The following ESYT2 variants were observed in gnomAD, a reference collection of about 807,000 sequenced individuals.
The protein encoded by ESYT2 is extended synaptotagmin-2.
A neutral mutation model predicts 107.2 loss-of-function variants in ESYT2; 54 were observed. The ratio of observed to expected loss-of-function variants is 0.50; its 90% confidence interval spans 0.40 to 0.63. The LOEUF (loss-of-function observed/expected upper bound fraction) is 0.63, where lower values mean the gene tolerates loss of function less well. ESYT2 is among the 30% of genes least tolerant of loss of function. The probability of loss-of-function intolerance (pLI) is 0.00; values close to 1 mark genes in which losing one functional copy is unlikely to be tolerated. For missense variants in ESYT2, 1,020 were observed against 1,094.5 expected (o/e 0.93, Z 0.96); for synonymous variants, 491 against 434.1 (o/e 1.13, Z -1.63).
chr7:158,762,977 G>A, intron 10 of ESYT2, 106 bp downstream of exon 10: 1 of 677,434 alleles, frequency 1.5e-6, no homozygotes, highest in Non-Finnish European at 2.4e-6. Flanking sequence ...ACCATTTAAT[G>A]AATAGACAAC....
intron 6 of ESYT2, 118 bp from the exon 7 acceptor site, chr7:158,773,514 C>T (rs1433572101): frequency 5.7e-6 from 5 of 884,918 alleles, no homozygotes; most frequent in East Asian, 2.8e-5. Flanking sequence ...CAGACCCACA[C>T]CCTTCATCCT....
intron 1 of ESYT2, among the ~76,000 whole-genome samples, chr7:158,807,834 T>G (rs1422145625): frequency 6.6e-6 from 1 of 152,206 alleles, no homozygotes; most frequent in African/African-American, 2.4e-5. Context: ...TACAAATTAC[T>G]TTCTTCCAGC....
intron 15 of ESYT2, among the ~76,000 whole-genome samples, chr7:158,749,367 C>A (rs1162648849): frequency 6.6e-6 from 1 of 152,186 alleles, no homozygotes; most frequent in Non-Finnish European, 1.5e-5. Flanking sequence ...GATCTCCCTG[C>A]CTCGGCCTCC....
chr7:158,807,922 G>A (rs574205685), intron 1 of ESYT2, among the ~76,000 whole-genome samples: 13 of 152,328 alleles, frequency 8.5e-5, no homozygotes, highest in Admixed American at 5.2e-4. Context: ...CTTGCTGCCC[G>A]CTGAGAGGGA....
chr7:158,796,307 CTT>C (rs979672659), intron 3 of ESYT2, among the ~76,000 whole-genome samples: 12 of 151,340 alleles, frequency 7.9e-5, no homozygotes, highest in Non-Finnish European at 1.5e-4. Context: ...TAAATGTACT[CTT>C]GAGGCTTTTA....
chr7:158,779,961 A>G (rs712191), intron 6 of ESYT2, among the ~76,000 whole-genome samples: 123,577 of 152,194 alleles, frequency 0.81, 50,953 homozygotes, highest in Non-Finnish European at 0.89. Context: ...CTTGGTTTCT[A>G]CCACTAAGGG....
chr7:158,810,717 A>C (rs1191720014), intron 1 of ESYT2, among the ~76,000 whole-genome samples: 1 of 151,912 alleles, frequency 6.6e-6, no homozygotes, highest in Non-Finnish European at 1.5e-5. Context: ...TAAAGACTAC[A>C]TGTTATAATA....
intron 1 of ESYT2, among the ~76,000 whole-genome samples, chr7:158,827,210 G>A (rs905984242): frequency 3.3e-5 from 5 of 149,410 alleles, no homozygotes; most frequent in Non-Finnish European, 7.4e-5. Flanking sequence ...GTTTCACAAA[G>A]ATTTTTAACA....
chr7:158,776,904 G>A (rs569174132), intron 6 of ESYT2, among the ~76,000 whole-genome samples: 4 of 151,418 alleles, frequency 2.6e-5, no homozygotes, highest in Admixed American at 2.0e-4. Context: ...CCAGGCTGGA[G>A]TGCAATGGCG....
At chr7:158,749,617 CACCAA>C in intron 15 of ESYT2, 27 bp downstream of exon 15, 1 of 1,610,816 alleles carries the variant, frequency 6.2e-7, no homozygotes, top group Middle Eastern at 1.7e-4. Flanking sequence ...GCACGACAGG[CACCAA>C]GGCTGAGTCC....
chr7:158,827,576 CCA>C (rs1173017690), intron 1 of ESYT2: 1 of 152,254 alleles, frequency 6.6e-6, no homozygotes, highest in Non-Finnish European at 1.5e-5. Flanking sequence ...CTCATGCTCA[CCA>C]CGCATCGGCA....
intron 11 of ESYT2, among the ~76,000 whole-genome samples, chr7:158,760,559 G>A (rs181598937): frequency 4.6e-5 from 7 of 152,222 alleles, no homozygotes; most frequent in Non-Finnish European, 8.8e-5. Flanking sequence ...GGGCTCAAGC[G>A]ATCCTCCTGC....
In ESYT2 at chr7:158,788,425, A is replaced by G. The variant is rs1421004262; in HGVS notation, c.585-8T>C. The G allele has an allele frequency of 1.9e-6, 3 of 1,605,320 alleles. No individual in the cohort carries two copies. The highest frequency in any genetic ancestry group is 2.6e-6 in the Non-Finnish European group (3 of 1,175,704). On this transcript the variant is annotated splice_polypyrimidine_tract_variant and splice_region_variant and intron_variant, in intron 4 of 22. Coordinates refer to ENST00000275418, the MANE Select transcript of ESYT2 (RefSeq NM_001367773.1). ...TCACAATTTCCTACAAAACTAACAAAAAATTCTGCATTACATGATGTAAGT... is the reference window on the plus strand; with the variant it reads ...TCACAATTTCCTACAAAACTAACAAGAAATTCTGCATTACATGATGTAAGT...
At chr7:158,744,039 A>G (rs757165032) in intron 16 of ESYT2, 4 of 183,058 alleles carry the variant, frequency 2.2e-5, no homozygotes, top group East Asian at 1.8e-4. Context: ...GCGCCACTGC[A>G]CTCCAGCCTG....
intron 17 of ESYT2, among the ~76,000 whole-genome samples, chr7:158,742,217 C>T (rs1010854019): frequency 1.3e-5 from 2 of 152,122 alleles, no homozygotes; most frequent in African/African-American, 4.8e-5. Context: ...GCTGGGGCAT[C>T]GCCGAGGCCT....
intron 17 of ESYT2, 133 bp from the exon 18 acceptor site, chr7:158,742,029 G>GA: frequency 1.0e-6 from 1 of 992,384 alleles, no homozygotes; most frequent in Middle Eastern, 3.1e-4. Context: ...TTTTTTAAAG[G>GA]AAAGTTTAGG....
intron 6 of ESYT2, among the ~76,000 whole-genome samples, chr7:158,787,207 G>A (rs534275553): frequency 1.8e-4 from 28 of 152,182 alleles, no homozygotes; most frequent in Non-Finnish European, 3.7e-4. Flanking sequence ...ATAACAAATA[G>A]TATTAACTAC....
intron 1 of ESYT2, among the ~76,000 whole-genome samples, chr7:158,818,899 C>T (rs1052371989): frequency 2.6e-5 from 4 of 152,232 alleles, no homozygotes; most frequent in African/African-American, 7.2e-5. Flanking sequence ...GTGGCCACAC[C>T]TCAGCACACC....
intron 4 of ESYT2, among the ~76,000 whole-genome samples, chr7:158,789,500 G>A (rs1264172070): frequency 6.6e-6 from 1 of 152,070 alleles, no homozygotes; most frequent in African/African-American, 2.4e-5. Context: ...GGGATTACAG[G>A]TGTGTGCCAC....
Sources: gnomAD v4.1 joint callset for allele counts (sites outside exome capture counted in the v4.1 genomes callset) on GRCh38, gnomAD v4.1.1 for gene constraint, MANE v1.5 for transcripts, NCBI Gene and HGNC (gene_info 2026-07-23, HGNC 2026-07-21) for gene names.